The following ADNP variants were observed in gnomAD, a reference collection of about 807,000 sequenced individuals.
ADNP encodes activity dependent neuroprotector homeobox.
A neutral mutation model predicts 84.9 loss-of-function variants in ADNP; 4 were observed. The observed-to-expected ratio is 0.05, with a 90% CI of 0.02 to 0.11. The LOEUF (loss-of-function observed/expected upper bound fraction) is 0.11. ADNP is among the 10% of genes least tolerant of loss of function. The pLI is 1.00. For synonymous variants in ADNP, 554 were observed against 468.1 expected (o/e 1.18, Z -2.37); for missense variants, 1,132 against 1,326.0 (o/e 0.85, Z 2.27).
rs34342624 is a variant in ADNP, at chr20:50,892,048, C to G, written c.2666G>C (p.Ser889Thr). ...AAAAACAGGGTCAAAAGGGCTACCACTTTCATTGGATTCTTCTTCCAAATT... is the reference window on the plus strand; with the variant it reads ...AAAAACAGGGTCAAAAGGGCTACCAGTTTCATTGGATTCTTCTTCCAAATT... ...FENLEEESNE[S>T]GSPFDPVFEV... The change falls in exon 6 of 6, where the codon AGT becomes ACT. Residue 889 changes from serine (S) to threonine (T), a missense_variant. By Grantham distance (58) the Ser-to-Thr change is moderately conservative (BLOSUM62 1). This residue lies in a region of ADNP where 381 missense variants were observed against 319.9 expected (regional missense o/e 1.19). Transcript: ENST00000621696. 6.8e-4 allele frequency: 1,098 copies of G among 1,614,180 alleles called. 10 individuals are homozygous for G. The African/African-American group carries it at 0.013, about 19-fold the overall frequency.
chr20:50,916,416 T>A, intron 2 of ADNP, among the ~76,000 whole-genome samples: 1 of 152,158 alleles, frequency 6.6e-6, no homozygotes, highest in East Asian at 1.9e-4. Flanking sequence ...ATAAATTCCC[T>A]AGTCACATGA....
Position 50,931,255 on chromosome 20 carries a change from G to GGGGGT in ADNP, c.-695_-694insACCCC, listed in dbSNP as rs1984747934. The stretch of plus-strand genomic sequence containing the variant: ...GGGCACAAGATGGCGGCGGCCGGGG[G>GGGGGT]GGGGGGGGCGGGAGTTCAGCTCATG... On this transcript the variant is annotated 5_prime_UTR_variant, in exon 1 of 6. Transcript: ENST00000621696. 1 of 112,308 alleles carries GGGGGT rather than the reference G, an allele frequency of 8.9e-6. No individual in the cohort carries two copies. Among genetic ancestry groups the GGGGGT allele is most frequent in the Non-Finnish European group, 1.9e-5 (1 of 51,734 alleles). 7.0% of individuals were successfully genotyped at this position (112,308 alleles called of 1,614,324 possible). A position where few individuals can be genotyped will look rare whatever the true frequency, so the allele number is the denominator to read the frequency against.
rs1983045231 is a variant in ADNP, at chr20:50,911,574, A to C, written c.-89-6725T>G. 2.0e-5 allele frequency among the ~76,000 whole-genome samples: 3 copies of C among 151,284 alleles called. No homozygotes were observed. In the South Asian group the frequency reaches 6.3e-4, roughly 32 times the overall value. On this transcript the variant is annotated intron_variant, in intron 2 of 5. Transcript: ENST00000621696. ...AGGCTGGAGTGCAATGGCATCACCCAACAGATGACAGTCCCAGTTTAGCAG... is the reference window on the plus strand; with the variant it reads ...AGGCTGGAGTGCAATGGCATCACCCCACAGATGACAGTCCCAGTTTAGCAG...
rs1251496455 is a variant in ADNP, at chr20:50,930,840, G to A, written c.-279C>T. On this transcript the variant is annotated 5_prime_UTR_variant, in exon 1 of 6. Transcript: ENST00000621696. The stretch of plus-strand genomic sequence containing the variant: ...GCCGGGCTTACCTTGACTCGGCCTC[G>A]AGGCGCGCGCGGGGCCGGCGTGCTC... 6.8e-6 allele frequency: 1 copy of A among 147,516 alleles called. No individual in the cohort carries two copies. The highest frequency in any genetic ancestry group is 6.8e-5 in the Admixed American group (1 of 14,790). The allele number at this position is 147,516 out of a possible 1,614,324, so 9.1% of individuals were successfully genotyped here. A position where few individuals can be genotyped will look rare whatever the true frequency, so the allele number is the denominator to read the frequency against.
chr20:50,902,593 A>G (rs968212127), intron 4 of ADNP, among the ~76,000 whole-genome samples: 3 of 152,210 alleles, frequency 2.0e-5, no homozygotes, highest in Non-Finnish European at 2.9e-5. Context: ...GCAGAAAGAA[A>G]GCTATTCAAA....
chr20:50,897,461 T>G (rs1211820088), intron 5 of ADNP, among the ~76,000 whole-genome samples: 1 of 152,202 alleles, frequency 6.6e-6, no homozygotes, highest in Non-Finnish European at 1.5e-5. Context: ...CGGTTAAAGT[T>G]GTTTGCCATC....
intron 2 of ADNP, among the ~76,000 whole-genome samples, chr20:50,911,666 C>T (rs1568733276): frequency 6.6e-6 from 1 of 151,978 alleles, no homozygotes; most frequent in Non-Finnish European, 1.5e-5. Context: ...GGTAGTTCTG[C>T]AGAGCTACCA....
rs1981117654 is a variant in ADNP at position 50,894,015 on chromosome 20, A to G, written c.699T>C (p.Tyr233=). The stretch of plus-strand genomic sequence containing the variant: ...CGATGACATGCTGTACCAAAGCTTC[A>G]TAGGACTTTGGCATGAAAAGGCATC... ...CKRCLFMPKS[Y]EALVQHVIED... is the part of the protein sequence containing the mutation. Residue 233 remains tyrosine, a synonymous_variant, in exon 6 of 6, where the codon TAT becomes TAC. Transcript: ENST00000621696. 3 of 1,614,188 alleles carry G rather than the reference A, an allele frequency of 1.9e-6. No individual in the cohort carries two copies. In the East Asian group the frequency reaches 6.7e-5, roughly 36 times the overall value.
intron 2 of ADNP, among the ~76,000 whole-genome samples, chr20:50,925,709 C>G (rs985370871): frequency 6.6e-6 from 1 of 152,154 alleles, no homozygotes; most frequent in Non-Finnish European, 1.5e-5. Flanking sequence ...TTTCAAACAC[C>G]GAGTTTCCAA....
rs775499611 is a variant in ADNP, at chr20:50,893,655, G to C, written c.1059C>G (p.Gly353=). The stretch of plus-strand genomic sequence containing the variant: ...GTTGAGGAATGGAAACTGGTGCGTT[G>C]CCACCTAGACCCAGTCTCATTGACT... The part of the protein sequence containing the change: ...VGQSMRLGLG[G]NAPVSIPQQS... Residue 353 remains glycine, a synonymous_variant, in exon 6 of 6, where the codon GGC becomes GGG. Coordinates refer to ENST00000621696, the MANE Select transcript of ADNP (RefSeq NM_001282531.3). The surrounding 1 kb of genome is among the most constrained non-coding windows in gnomAD (Gnocchi z 4.4). 10 of 1,614,034 alleles carry C rather than the reference G, an allele frequency of 6.2e-6. No homozygotes were observed. The highest frequency in any genetic ancestry group is 6.8e-6 in the Non-Finnish European group (8 of 1,180,040).
Position 50,894,333 on chromosome 20 carries a change from T to C in ADNP, c.381A>G (p.Ile127Met). 1 of 1,613,638 alleles carries C rather than the reference T, an allele frequency of 6.2e-7. No individual in the cohort carries two copies. The highest frequency in any genetic ancestry group is 1.1e-5 in the South Asian group (1 of 90,928). The change falls in exon 6 of 6, where the codon ATA becomes ATG. Residue 127 changes from isoleucine to methionine, a missense_variant. By Grantham distance (10) the Ile-to-Met change is conservative. Coordinates refer to ENST00000621696, the MANE Select transcript of ADNP (RefSeq NM_001282531.3). The stretch of plus-strand genomic sequence containing the variant: ...GTGCGCTGGCGTTCGGAGCATGAAA[T>C]ATTTTAATGTGTGTTTCCAAAGTCT... Reference protein sequence around the residue: ...DKKTLETHIKIFHAPNASAPS... With the variant: ...DKKTLETHIKMFHAPNASAPS...
chr20:50,918,851 AG>A (rs1983709140), intron 2 of ADNP, among the ~76,000 whole-genome samples: 1 of 152,244 alleles, frequency 6.6e-6, no homozygotes, highest in Non-Finnish European at 1.5e-5. Context: ...TAGCACTTTA[AG>A]GAAGTTTTGT....
chr20:50,928,231 A>G (rs1984415154), intron 2 of ADNP, among the ~76,000 whole-genome samples: 1 of 152,206 alleles, frequency 6.6e-6, no homozygotes, highest in Non-Finnish European at 1.5e-5. Flanking sequence ...TATTTATGTA[A>G]CATACAAAGT....
chr20:50,906,963 G>GTTTTT lies in ADNP; in HGVS notation c.-89-2119_-89-2115dup, dbSNP rs751919326. On this transcript the variant is annotated intron_variant, in intron 2 of 5. Coordinates refer to ENST00000621696, the MANE Select transcript of ADNP (RefSeq NM_001282531.3). ...ATTTTTTTTTTGAGACAGGGTTCCA[G>GTTTTT]TTTTTTTTTTTTGTTTTTTTTTTTG... 3.4e-4 allele frequency among the ~76,000 whole-genome samples: 41 copies of GTTTTT among 119,240 alleles called. 3 individuals are homozygous for GTTTTT. The highest frequency in any genetic ancestry group is 4.3e-4 in the Non-Finnish European group (26 of 60,212). 78.2% of individuals were successfully genotyped at this position (119,240 alleles called of 152,430 possible).
intron 3 of ADNP, 55 bp from the exon 4 acceptor site, chr20:50,904,056 T>C (rs1208715444): frequency 7.5e-7 from 1 of 1,331,936 alleles, no homozygotes; most frequent in African/African-American, 1.4e-5. Flanking sequence ...TTGTAATATT[T>C]ACTAATTCCA....
chr20:50,908,921 C>T (rs1335440564), intron 2 of ADNP, among the ~76,000 whole-genome samples: 1 of 151,772 alleles, frequency 6.6e-6, no homozygotes, highest in Non-Finnish European at 1.5e-5. Context: ...CTTTCGAATG[C>T]AAAGAGAGCT....
chr20:50,896,684 G>A (rs1225045093), intron 5 of ADNP, among the ~76,000 whole-genome samples: 1 of 152,162 alleles, frequency 6.6e-6, no homozygotes, highest in Non-Finnish European at 1.5e-5. Flanking sequence ...TTTACATCTT[G>A]TCCCACTGGA....
At position 50,918,254 on chromosome 20, in the gene ADNP, G is replaced by C. The variant is rs1600985825; in HGVS notation, c.-90+10397C>G. Among the ~76,000 whole-genome samples the C allele has an allele frequency of 4.6e-5, 7 of 152,186 alleles. 1 individual carries two copies. Among genetic ancestry groups the C allele is most frequent in the South Asian group, 2.1e-4 (1 of 4,824 alleles). On this transcript the variant is annotated intron_variant, in intron 2 of 5. Coordinates refer to ENST00000621696, the MANE Select transcript of ADNP (RefSeq NM_001282531.3). ...AGTCTGCTTATAATTTCAACAGCAG[G>C]GTGGTCTGGGTTCAAAATCAGGGGC... is the stretch of plus-strand genomic sequence containing the variant.
intron 2 of ADNP, 113 bp downstream of exon 2, chr20:50,928,538 A>T (rs943253361): frequency 2.0e-5 from 3 of 152,204 alleles, no homozygotes; most frequent in African/African-American, 7.2e-5. Context: ...TTCCTTGAGG[A>T]ATGTGGCTAG....
Sources: allele counts gnomAD v4.1 joint callset (sites outside exome capture counted in the v4.1 genomes callset), GRCh38; gene constraint gnomAD v4.1.1; regional missense constraint gnomAD v4.1.1; non-coding constraint Gnocchi (gnomAD v3.1); transcripts MANE v1.5; gene names NCBI Gene and HGNC (gene_info 2026-07-23, HGNC 2026-07-21).